Variants in SS18L1 observed in about 807,000 individuals in gnomAD.
SS18L1 encodes calcium-responsive transactivator.
SS18L1 carries 32 observed loss-of-function variants against 70.3 expected under a neutral mutation model. The ratio of observed to expected loss-of-function variants is 0.46; its 90% CI spans 0.34 to 0.61. The LOEUF (loss-of-function observed/expected upper bound fraction) is 0.61. SS18L1 is among the 20% of genes least tolerant of loss of function. The pLI, the probability that SS18L1 is intolerant of heterozygous loss-of-function variation, is 0.01. For synonymous variants in SS18L1, 237 were observed against 229.7 expected, an observed-to-expected ratio of 1.03 and a Z score of -0.29; for missense variants, 430 against 542.1, an observed-to-expected ratio of 0.79 and a Z score of 2.05.
chr20:62,162,468 A>AT (rs966672536), intron 4 of SS18L1: 30 of 314,734 alleles, frequency 9.5e-5, no homozygotes, highest in Middle Eastern at 8.7e-4. Flanking sequence ...CACCTGGCTA[A>AT]TTTTTTTGTA....
chr20:62,175,133 G>T (rs2057599144), intron 10 of SS18L1: 1 of 808,654 alleles, frequency 1.2e-6, no homozygotes. Flanking sequence ...ATTCCAGGAC[G>T]AAGACACAGC....
intron 1 of SS18L1, among the ~76,000 whole-genome samples, chr20:62,146,322 GCA>G (rs2057025092): frequency 6.6e-6 from 1 of 152,230 alleles, no homozygotes; most frequent in African/African-American, 2.4e-5. Context: ...TAGTGTCTGA[GCA>G]CAGTTAGTGC....
intron 5 of SS18L1, 102 bp downstream of exon 5, chr20:62,163,033 C>G (rs1373412458): frequency 1.4e-6 from 2 of 1,469,570 alleles, no homozygotes; most frequent in South Asian, 2.5e-5. Flanking sequence ...TGCCCTCCTG[C>G]TGGGTGCTGG....
chr20:62,155,410 C>G (rs866324234), intron 1 of SS18L1, among the ~76,000 whole-genome samples: 12 of 152,208 alleles, frequency 7.9e-5, no homozygotes, highest in African/African-American at 2.7e-4. Context: ...GAGACCCTGT[C>G]TCAGAAGAAA....
intron 8 of SS18L1, among the ~76,000 whole-genome samples, chr20:62,166,235 G>T (rs977876876): frequency 9.2e-5 from 14 of 152,340 alleles, no homozygotes; most frequent in African/African-American, 3.1e-4. Context: ...AACCTCGTCC[G>T]GGAGGGAAGG....
chr20:62,162,886 G>T lies in SS18L1; in HGVS notation c.511G>T (p.Gly171Cys), dbSNP rs576940543. The change falls in exon 5 of 11, where the codon GGC becomes TGC. Residue 171 changes from glycine to cysteine, a missense_variant. Physicochemically the swap from Gly to Cys is radical, Grantham distance 159. Transcript: ENST00000331758. ...GVPMQGQGTIGNYVSRTNINM... is the reference protein window; with the variant it reads ...GVPMQGQGTICNYVSRTNINM... ...CCCCATGCAGGGGCAAGGCACCATC[G>T]GCAACTACGTGTCTCGGACCAACAT... 1 of 1,612,860 alleles carries T rather than the reference G, an allele frequency of 6.2e-7. No individual in the cohort carries two copies. The highest frequency in any genetic ancestry group is 2.2e-5 in the East Asian group (1 of 44,860).
At position 62,178,016 on chromosome 20, in the gene SS18L1, C is replaced by CTT. The variant is rs770157620; in HGVS notation, c.1165-1146_1165-1145dup. 9.5e-3 allele frequency among the ~76,000 whole-genome samples: 962 copies of CTT among 101,342 alleles called. 48 individuals carry two copies. The highest frequency in any genetic ancestry group is 0.036 in the African/African-American group (902 of 24,948). The allele number at this position is 101,342 out of a possible 152,430, so 66.5% of individuals were successfully genotyped here. A position where few individuals can be genotyped will look rare whatever the true frequency, so the allele number is the denominator to read the frequency against. ...ACAGGCATGAGCCACTGTGCCTGGC[C>CTT]TTTTTTTTTTTTTTTTTTTTTAAGA... On this transcript the variant is annotated intron_variant, in intron 10 of 10. Coordinates refer to ENST00000331758, the MANE Select transcript of SS18L1 (RefSeq NM_198935.3).
In SS18L1 at chr20:62,164,203, C is replaced by T. The variant is rs775462828; in HGVS notation, c.780C>T (p.Ser260=). 3.2e-6 allele frequency: 5 copies of T among 1,550,016 alleles called. No individual in the cohort carries two copies. The highest frequency in any genetic ancestry group is 3.9e-5 in the Admixed American group (2 of 50,982). Residue 260 remains serine (S), a synonymous_variant, in exon 7 of 11, where the codon AGC becomes AGT. Coordinates refer to ENST00000331758, the MANE Select transcript of SS18L1 (RefSeq NM_198935.3). The part of the protein sequence containing the change: ...EEYYGEQYSH[S]QGAAEPMGQQ... ...ACTATGGCGAGCAGTACAGCCACAG[C>T]CAGGGCGCCGCGGAGCCCATGGGCC...
Position 62,182,403 on chromosome 20 carries a change from ATTT to A in SS18L1, c.*3202_*3204del, listed in dbSNP as rs561371579. The A allele has an allele frequency of 2.0e-5, 4 of 198,576 alleles. No homozygotes were observed. Among genetic ancestry groups the A allele is most frequent in the Non-Finnish European group, 3.1e-5 (3 of 96,776 alleles). 12.3% of individuals were successfully genotyped at this position (198,576 alleles called of 1,614,324 possible). A position where few individuals can be genotyped will look rare whatever the true frequency, so the allele number is the denominator to read the frequency against. On this transcript the variant is annotated 3_prime_UTR_variant, in exon 11 of 11. Coordinates refer to ENST00000331758, the MANE Select transcript of SS18L1 (RefSeq NM_198935.3). Reference sequence around the variant, plus strand: ...CATTTAAAAAACATCCTTATCGGTTATTTTTTTTTCAGTCGGAGTTTGACGTAT... The same window carrying A: ...CATTTAAAAAACATCCTTATCGGTTATTTTTTCAGTCGGAGTTTGACGTAT...
intron 10 of SS18L1, among the ~76,000 whole-genome samples, chr20:62,176,726 C>T (rs939423635): frequency 2.6e-5 from 4 of 151,568 alleles, no homozygotes; most frequent in South Asian, 2.1e-4. Context: ...TCGCTTGAAC[C>T]GGGAAGGCAG....
chr20:62,147,053 G>C (rs1345117113), intron 1 of SS18L1, among the ~76,000 whole-genome samples: 1 of 152,182 alleles, frequency 6.6e-6, no homozygotes, highest in African/African-American at 2.4e-5. Context: ...AGGCACCAGG[G>C]GTCTGGGTAC....
rs527898159 is a variant in SS18L1 at position 62,165,291 on chromosome 20, A to G, written c.824-131A>G. Reference sequence around the variant, plus strand: ...GGAGGTTGGGGCATGGTTTTGGGGAACACGGGTCCTGCCGGCTCTTGTTGC... The same window carrying G: ...GGAGGTTGGGGCATGGTTTTGGGGAGCACGGGTCCTGCCGGCTCTTGTTGC... On this transcript the variant is annotated intron_variant, in intron 7 of 10. Coordinates refer to ENST00000331758, the MANE Select transcript of SS18L1 (RefSeq NM_198935.3). 4 of 824,742 alleles carry G rather than the reference A, an allele frequency of 4.9e-6. No individual in the cohort carries two copies. The East Asian group carries it at 1.1e-4, about 22-fold the overall frequency. 51.1% of individuals were successfully genotyped at this position (824,742 alleles called of 1,614,324 possible).
intron 5 of SS18L1, 65 bp downstream of exon 5, chr20:62,162,996 A>G: frequency 6.4e-7 from 1 of 1,561,394 alleles, no homozygotes. Flanking sequence ...TGACACATGC[A>G]CGTTGGACAT....
rs542043585 is a variant in SS18L1, at chr20:62,153,741, G to A, written c.70-4931G>A. 5.3e-5 allele frequency among the ~76,000 whole-genome samples: 8 copies of A among 152,152 alleles called. No individual in the cohort carries two copies. The South Asian group carries it at 6.2e-4, about 12-fold the overall frequency. On this transcript the variant is annotated intron_variant, in intron 1 of 10. Coordinates refer to ENST00000331758, the MANE Select transcript of SS18L1 (RefSeq NM_198935.3). ...AGGTATTCTTCCGGGTTTCAGTCTCGGGGCTGCTCTCCGTGGGTCTCCCAC... is the reference window on the plus strand; with the variant it reads ...AGGTATTCTTCCGGGTTTCAGTCTCAGGGCTGCTCTCCGTGGGTCTCCCAC...
In SS18L1 at chr20:62,181,466, CTTTT is replaced by C. The variant is rs763907623; in HGVS notation, c.*2261_*2264del. 5 of 211,168 alleles carry C rather than the reference CTTTT, an allele frequency of 2.4e-5. No individual in the cohort carries two copies. Among genetic ancestry groups the C allele is most frequent in the Non-Finnish European group, 3.8e-5 (4 of 104,180 alleles). The allele number at this position is 211,168 out of a possible 1,614,324, so 13.1% of individuals were successfully genotyped here. ...ATTCCTTGCCAATCTGGGAATATGC[CTTTT>C]TTGTGTGTTTGTGTGTTTTTTTAAG... is the stretch of plus-strand genomic sequence containing the variant. On this transcript the variant is annotated 3_prime_UTR_variant, in exon 11 of 11. Transcript: ENST00000331758.
chr20:62,162,309 T>G (rs2057343992), intron 4 of SS18L1, among the ~76,000 whole-genome samples: 1 of 146,110 alleles, frequency 6.8e-6, no homozygotes, highest in African/African-American at 2.8e-5. Context: ...TTTCTTTTCT[T>G]TTTTTTTTGA....
chr20:62,157,951 C>A (rs761960172), intron 1 of SS18L1, among the ~76,000 whole-genome samples: 3 of 152,206 alleles, frequency 2.0e-5, no homozygotes, highest in African/African-American at 4.8e-5. Context: ...CCTCCCTCAC[C>A]GCGGTTGGTG....
chr20:62,170,360 G>T (rs1008511935), intron 8 of SS18L1, among the ~76,000 whole-genome samples: 8 of 152,228 alleles, frequency 5.3e-5, no homozygotes, highest in Non-Finnish European at 8.8e-5. Flanking sequence ...AAAAAAATTA[G>T]CTGGGCGTGG....
At chr20:62,169,086 G>T (rs2057483824) in intron 8 of SS18L1, among the ~76,000 whole-genome samples, 1 of 152,194 alleles carries the variant, frequency 6.6e-6, no homozygotes, top group South Asian at 2.1e-4. Flanking sequence ...AGGAGAGGGT[G>T]CGAGTCCCGC....
Sources: allele counts gnomAD v4.1 joint callset (sites outside exome capture counted in the v4.1 genomes callset), GRCh38; gene constraint gnomAD v4.1.1; transcripts MANE v1.5; gene names NCBI Gene and HGNC (gene_info 2026-07-23, HGNC 2026-07-21).